Variants in TBC1D22A observed in about 807,000 individuals in gnomAD.
The protein encoded by TBC1D22A is TBC1 domain family member 22A.
Under a neutral mutation model 60.2 loss-of-function variants are expected in TBC1D22A, and 38 were observed. The ratio of observed to expected loss-of-function variants is 0.63; its 90% CI spans 0.49 to 0.83. TBC1D22A has a LOEUF of 0.83. Ranked by LOEUF, TBC1D22A falls within the 40% of genes least tolerant of loss-of-function variation. The pLI is 0.00. For missense variants in TBC1D22A, 628 were observed against 701.0 expected (o/e 0.90, Z 1.18); for synonymous variants, 302 against 281.7 (o/e 1.07, Z -0.72).
intron 4 of TBC1D22A, among the ~76,000 whole-genome samples, chr22:46,876,812 C>T (rs1409081554): frequency 6.6e-6 from 1 of 152,236 alleles, no homozygotes; most frequent in African/African-American, 2.4e-5. Flanking sequence ...ACCCCCAGGG[C>T]TGCTGCAGGG....
At chr22:47,051,004 C>T (rs1236991713) in intron 11 of TBC1D22A, among the ~76,000 whole-genome samples, 1 of 152,200 alleles carries the variant, frequency 6.6e-6, no homozygotes, top group Non-Finnish European at 1.5e-5. Context: ...AATAGCAGCG[C>T]TCCCTTTGCT....
chr22:47,001,704 A>G (rs112913638), intron 10 of TBC1D22A, among the ~76,000 whole-genome samples: 4,466 of 152,276 alleles, frequency 0.029, 104 homozygotes, highest in South Asian at 0.087. Context: ...TTTAACCCAA[A>G]TTTAATTCTT....
At position 46,935,594 on chromosome 22, in the gene TBC1D22A, G is replaced by A. The variant is rs572256690; in HGVS notation, c.1015+23406G>A. Among the ~76,000 whole-genome samples the A allele has an allele frequency of 3.3e-5, 5 of 152,238 alleles. No individual in the cohort carries two copies. In the South Asian group the frequency reaches 1.0e-3, roughly 32 times the overall value. ...ACATTTCTCCCTGTGATTCCGTCTC[G>A]CCCCCCTCCTTTCCGAGTCTAGGAG... On this transcript the variant is annotated intron_variant, in intron 8 of 12. Transcript: ENST00000337137.
chr22:47,131,469 T>A (rs957616812), intron 12 of TBC1D22A, among the ~76,000 whole-genome samples: 1 of 152,188 alleles, frequency 6.6e-6, no homozygotes, highest in African/African-American at 2.4e-5. Context: ...GAAGGAAATA[T>A]GAGCTCTGCG....
Position 46,899,110 on chromosome 22 carries a change from G to A in TBC1D22A, c.900+4264G>A, listed in dbSNP as rs6007991. On this transcript the variant is annotated intron_variant, in intron 7 of 12. Transcript: ENST00000337137. ...AACCTGAGCACAGCCTTGTGTGTGT[G>A]GGGAAACTGAATGATGAGCAAGGGG... is the stretch of plus-strand genomic sequence containing the variant. Among the ~76,000 whole-genome samples, 1,416 of 152,204 alleles carry A rather than the reference G, an allele frequency of 9.3e-3. 31 individuals are homozygous for A. The highest frequency in any genetic ancestry group is 0.032 in the African/African-American group (1,345 of 41,530).
chr22:46,847,954 T>C (rs62233855), intron 4 of TBC1D22A, among the ~76,000 whole-genome samples: 3,456 of 53,890 alleles, frequency 0.064, 74 homozygotes, highest in East Asian at 0.14. Context: ...TGTGTGTGTG[T>C]GCGCGCGCGC....
intron 9 of TBC1D22A, among the ~76,000 whole-genome samples, chr22:46,978,591 G>T (rs1396043634): frequency 6.6e-6 from 1 of 152,122 alleles, no homozygotes; most frequent in African/African-American, 2.4e-5. Flanking sequence ...ATACATAGTT[G>T]GAAAAGGAAG....
At chr22:46,937,728 G>A (rs143216547) in intron 8 of TBC1D22A, among the ~76,000 whole-genome samples, 43 of 152,312 alleles carry the variant, frequency 2.8e-4, no homozygotes, top group East Asian at 2.1e-3. Flanking sequence ...AGTGGGACAA[G>A]GTGTGGAGGT....
At chr22:46,900,149 G>C (rs1021424925) in intron 7 of TBC1D22A, among the ~76,000 whole-genome samples, 1 of 144,958 alleles carries the variant, frequency 6.9e-6, no homozygotes, top group Non-Finnish European at 1.5e-5. Context: ...GACAGCTGTG[G>C]TTTTTTTTTT....
At chr22:46,799,626 C>T (rs1364196011) in intron 4 of TBC1D22A, among the ~76,000 whole-genome samples, 2 of 152,218 alleles carry the variant, frequency 1.3e-5, no homozygotes, top group African/African-American at 4.8e-5. Context: ...ATTTGGATGT[C>T]ACGCCTCTGT....
intron 12 of TBC1D22A, among the ~76,000 whole-genome samples, chr22:47,172,957 C>T (rs1019549699): frequency 8.5e-5 from 13 of 152,224 alleles, no homozygotes; most frequent in Non-Finnish European, 8.8e-5. Flanking sequence ...TGCTGGTGCC[C>T]GGAGGGGTCT....
At chr22:46,806,010 A>ACCCGGC (rs59085178) in intron 4 of TBC1D22A, among the ~76,000 whole-genome samples, 91,085 of 150,660 alleles carry the variant, frequency 0.6, 27,546 homozygotes, top group Middle Eastern at 0.72. Flanking sequence ...CCACCACCAC[A>ACCCGGC]CCCGGCTAAG....
At chr22:46,902,173 A>C (rs1008458881) in intron 7 of TBC1D22A, among the ~76,000 whole-genome samples, 3 of 152,150 alleles carry the variant, frequency 2.0e-5, no homozygotes, top group African/African-American at 7.2e-5. Flanking sequence ...GGTTTTTAGG[A>C]AGAACCTTTT....
chr22:47,067,617 C>T (rs902369729), intron 11 of TBC1D22A, among the ~76,000 whole-genome samples: 2 of 152,192 alleles, frequency 1.3e-5, no homozygotes, highest in African/African-American at 4.8e-5. Context: ...CCAGGCTGTC[C>T]TGTTGTTTCG....
chr22:46,885,314 C>T (rs1383784375), intron 5 of TBC1D22A, among the ~76,000 whole-genome samples: 1 of 152,166 alleles, frequency 6.6e-6, no homozygotes, highest in East Asian at 1.9e-4. Flanking sequence ...GGAGCTGGGG[C>T]TTGGCTTGAG....
chr22:46,792,569 C>CATGG lies in TBC1D22A; in HGVS notation c.113_116dup (p.Thr40TrpfsTer27). The CATGG allele has an allele frequency of 6.2e-7, 1 of 1,614,256 alleles. No homozygotes were observed. Among genetic ancestry groups the CATGG allele is most frequent in the Non-Finnish European group, 8.5e-7 (1 of 1,180,042 alleles). On this transcript the variant is annotated frameshift_variant, in exon 2 of 13. Coordinates refer to ENST00000337137, the MANE Select transcript of TBC1D22A (RefSeq NM_014346.5). LOFTEE classifies it high-confidence loss of function. ...GCACCCCCCCTTTGATCCACTGTTACATGGCACGTAAGTGACGTTCCAACC... is the reference window on the plus strand; with the variant it reads ...GCACCCCCCCTTTGATCCACTGTTACATGGATGGCACGTAAGTGACGTTCCAACC...
At chr22:46,849,194 G>A (rs1217351058) in intron 4 of TBC1D22A, among the ~76,000 whole-genome samples, 6 of 152,214 alleles carry the variant, frequency 3.9e-5, no homozygotes, top group Admixed American at 2.6e-4. Context: ...TCTGCCTGCA[G>A]GTTGTCCCCG....
intron 8 of TBC1D22A, chr22:46,913,508 G>C (rs535472997): frequency 1.2e-4 from 158 of 1,290,858 alleles, no homozygotes; most frequent in Middle Eastern, 9.7e-4. Context: ...ATAGGAGGTT[G>C]TCTCATTGCT....
At chr22:46,806,041 CG>C (rs1350868381) in intron 4 of TBC1D22A, among the ~76,000 whole-genome samples, 1 of 151,704 alleles carries the variant, frequency 6.6e-6, no homozygotes, top group Non-Finnish European at 1.5e-5. Context: ...TTAGTAGAGA[CG>C]GGGTTTCACC....
Sources: allele counts gnomAD v4.1 joint callset (sites outside exome capture counted in the v4.1 genomes callset), GRCh38; gene constraint gnomAD v4.1.1; transcripts MANE v1.5; gene names NCBI Gene and HGNC (gene_info 2026-07-23, HGNC 2026-07-21).